Variants in RARA observed in about 807,000 individuals in gnomAD.
RARA encodes the protein PML-DDX5-RARA fusion.
Under a neutral mutation model 42.8 loss-of-function variants are expected in RARA, and 5 were observed. The observed-to-expected ratio is 0.12, with a 90% CI of 0.06 to 0.25. The LOEUF is 0.25. Among genes scored for constraint, RARA ranks in the 10% least tolerant of loss-of-function variants. RARA has a pLI of 1.00. For missense variants in RARA, 402 were observed against 628.7 expected (o/e 0.64, Z 3.86); for synonymous variants, 256 against 259.5 (o/e 0.99, Z 0.13).
At chr17:40,353,897 T>C (rs1407770249) in intron 6 of RARA, among the ~76,000 whole-genome samples, 1 of 152,206 alleles carries the variant, frequency 6.6e-6, no homozygotes, top group Admixed American at 6.6e-5. Context: ...TACCTCATCC[T>C]GGGAGCTGTA....
chr17:40,341,528 C>G, intron 2 of RARA: 1 of 1,474,438 alleles, frequency 6.8e-7, no homozygotes, highest in Non-Finnish European at 9.0e-7. Flanking sequence ...TCCGCGTCTC[C>G]GGGGGAGGTG....
rs144953623 is a variant in RARA, at chr17:40,328,307, T to A, written c.-362-2550T>A. On this transcript the variant is annotated intron_variant, in intron 1 of 8. Transcript: ENST00000254066. Reference sequence around the variant, plus strand: ...GGAGTTCAGAGCTTGGAACCTAGTGTAGCCTGAGCTTGGGGTGGAGTGGCA... The same window carrying A: ...GGAGTTCAGAGCTTGGAACCTAGTGAAGCCTGAGCTTGGGGTGGAGTGGCA... Among the ~76,000 whole-genome samples the A allele has an allele frequency of 1.0e-3, 154 of 152,230 alleles. No homozygotes were observed. The East Asian group carries it at 0.01, about 10-fold the overall frequency.
chr17:40,329,988 G>A (rs1338902871), intron 1 of RARA, among the ~76,000 whole-genome samples: 2 of 152,110 alleles, frequency 1.3e-5, no homozygotes, highest in African/African-American at 4.8e-5. Flanking sequence ...GTTCATCTCT[G>A]TCTCTGTCTC....
chr17:40,330,059 C>T (rs567872400), intron 1 of RARA, among the ~76,000 whole-genome samples: 1 of 152,174 alleles, frequency 6.6e-6, no homozygotes, highest in Non-Finnish European at 1.5e-5. Flanking sequence ...GGGTGTGGAT[C>T]TGTATTCACA....
chr17:40,350,675 C>T (rs2034413801), intron 4 of RARA: 1 of 152,216 alleles, frequency 6.6e-6, no homozygotes, highest in Admixed American at 6.5e-5. Flanking sequence ...GCTGCAGGAC[C>T]CCCTAGCCCT....
Position 40,354,581 on chromosome 17 carries a change from T to G in RARA, c.1012+75T>G. On this transcript the variant is annotated intron_variant, in intron 7 of 8. Transcript: ENST00000254066. The surrounding 1 kb of genome is among the most constrained non-coding windows in gnomAD (Gnocchi z 4.5). ...CCTGGAGTCTCTTCCAGGGAGCTCT[T>G]TCAGGCCACCTCTGTTAGGTATCTC... 1 of 1,512,722 alleles carries G rather than the reference T, an allele frequency of 6.6e-7. No homozygotes were observed. The highest frequency in any genetic ancestry group is 9.0e-7 in the Non-Finnish European group (1 of 1,110,826). The allele number at this position is 1,512,722 out of a possible 1,614,324, so 93.7% of individuals were successfully genotyped here.
chr17:40,347,036 G>C (rs1598576077), intron 2 of RARA, among the ~76,000 whole-genome samples: 1 of 152,218 alleles, frequency 6.6e-6, no homozygotes. Context: ...TCAGCCCCTG[G>C]TGTTCCCATG....
rs2143527421 is a variant in RARA, at chr17:40,354,452, G to A, written c.958G>A (p.Glu320Lys). The change falls in exon 7 of 9, where the codon GAG becomes AAG. Residue 320 changes from glutamate to lysine, a missense_variant. Around this residue, in one of 5 missense-constraint regions of RARA, gnomAD observed 104 missense variants for 160.1 expected, o/e 0.65. Transcript: ENST00000254066. This position sits in a 1 kb window ranked among gnomAD's most constrained non-coding sequence, Gnocchi z 4.5. ...CTTCGCCAACCAGCTGCTGCCCCTG[G>A]AGATGGATGATGCGGAGACGGGGCT... is the stretch of plus-strand genomic sequence containing the variant. ...FAFANQLLPL[E>K]MDDAETGLLS... The A allele has an allele frequency of 6.2e-7, 1 of 1,613,556 alleles. No homozygotes were observed. The highest frequency in any genetic ancestry group is 8.5e-7 in the Non-Finnish European group (1 of 1,179,758).
Position 40,351,136 on chromosome 17 carries a change from T to G in RARA, c.470-774T>G, listed in dbSNP as rs2034430099. 6.6e-6 allele frequency among the ~76,000 whole-genome samples: 1 copy of G among 150,804 alleles called. No individual in the cohort carries two copies. Among genetic ancestry groups the G allele is most frequent in the African/African-American group, 2.4e-5 (1 of 40,962 alleles). On this transcript the variant is annotated intron_variant, in intron 4 of 8. Coordinates refer to ENST00000254066, the MANE Select transcript of RARA (RefSeq NM_000964.4). The surrounding 1 kb of genome is among the most constrained non-coding windows in gnomAD (Gnocchi z 4.1). ...CCAAATTATCCCCCCACTCTCCCTCTCCCTCTCCCTTCTCTCCCCTGCACT... is the reference window on the plus strand; with the variant it reads ...CCAAATTATCCCCCCACTCTCCCTCGCCCTCTCCCTTCTCTCCCCTGCACT...
Position 40,354,645 on chromosome 17 carries a change from G to A in RARA, c.1012+139G>A, listed in dbSNP as rs2034556801. 1 of 1,040,852 alleles carries A rather than the reference G, an allele frequency of 9.6e-7. No individual in the cohort carries two copies. The highest frequency in any genetic ancestry group is 1.4e-6 in the Non-Finnish European group (1 of 732,476). The allele number at this position is 1,040,852 out of a possible 1,614,324, so 64.5% of individuals were successfully genotyped here. On this transcript the variant is annotated intron_variant, in intron 7 of 8. Transcript: ENST00000254066. This position sits in a 1 kb window ranked among gnomAD's most constrained non-coding sequence, Gnocchi z 4.5. ...CTGGTCTGCAACTACACAGCAAGGG[G>A]GCCATGTGGGGCCTGGACTCCTGTT...
chr17:40,322,169 G>A (rs1218562335), intron 1 of RARA, among the ~76,000 whole-genome samples: 1 of 152,018 alleles, frequency 6.6e-6, no homozygotes, highest in Non-Finnish European at 1.5e-5. Flanking sequence ...GAAGGGGAGG[G>A]GGGTGGAGGG....
chr17:40,329,350 A>C (rs1194168721), intron 1 of RARA, among the ~76,000 whole-genome samples: 1 of 149,802 alleles, frequency 6.7e-6, no homozygotes, highest in East Asian at 1.9e-4. Flanking sequence ...TCTGTTACCC[A>C]TGCTGGAGTG....
intron 2 of RARA, among the ~76,000 whole-genome samples, chr17:40,336,437 G>A (rs1295026373): frequency 6.6e-6 from 1 of 152,150 alleles, no homozygotes; most frequent in Non-Finnish European, 1.5e-5. Flanking sequence ...TGTTAGCCAG[G>A]CTGGAGTGCA....
At chr17:40,318,727 C>T (rs776528813) in intron 1 of RARA, among the ~76,000 whole-genome samples, 2 of 152,256 alleles carry the variant, frequency 1.3e-5, no homozygotes, top group Non-Finnish European at 1.5e-5. Flanking sequence ...GCAGAACCGC[C>T]GCTGGGAACT....
intron 1 of RARA, 54 bp downstream of exon 1, chr17:40,309,340 C>T (rs2033052572): frequency 6.5e-6 from 1 of 152,820 alleles, no homozygotes; most frequent in African/African-American, 2.4e-5. Flanking sequence ...ACCCCGGCCT[C>T]TGCTTCTGAT....
In RARA at chr17:40,352,903, A is replaced by G. The variant is rs546973370; in HGVS notation, c.807+396A>G. On this transcript the variant is annotated intron_variant, in intron 6 of 8. Coordinates refer to ENST00000254066, the MANE Select transcript of RARA (RefSeq NM_000964.4). The surrounding 1 kb of genome is among the most constrained non-coding windows in gnomAD (Gnocchi z 4.9). ...AGACCACCCTGGGCAACATAGTGAGACCTTATTTCTGCAAAAAACTAAAAA... is the reference window on the plus strand; with the variant it reads ...AGACCACCCTGGGCAACATAGTGAGGCCTTATTTCTGCAAAAAACTAAAAA... Among the ~76,000 whole-genome samples the G allele has an allele frequency of 2.0e-5, 3 of 152,240 alleles. No homozygotes were observed. In the South Asian group the frequency reaches 6.2e-4, roughly 32 times the overall value.
At chr17:40,317,044 AC>A (rs1445931160) in intron 1 of RARA, among the ~76,000 whole-genome samples, 1 of 152,128 alleles carries the variant, frequency 6.6e-6, no homozygotes, top group Non-Finnish European at 1.5e-5. Flanking sequence ...TCAATTCTAG[AC>A]CCGGCTCTGC....
At chr17:40,346,211 C>T (rs943205796) in intron 2 of RARA, among the ~76,000 whole-genome samples, 2 of 152,144 alleles carry the variant, frequency 1.3e-5, no homozygotes, top group African/African-American at 4.8e-5. Context: ...GCTTTTTGCC[C>T]TCTAGTCTGT....
chr17:40,351,845 G>T lies in RARA; in HGVS notation c.470-65G>T, dbSNP rs1172755071. 4 of 1,564,870 alleles carry T rather than the reference G, an allele frequency of 2.6e-6. No homozygotes were observed. The highest frequency in any genetic ancestry group is 2.2e-5 in the Admixed American group (1 of 46,348). ...TCAGCAGCTGGCAGCTCTCTGTCAG[G>T]CTGGGGGTGGACGAGGCCCTGAGCA... On this transcript the variant is annotated intron_variant, in intron 4 of 8. Coordinates refer to ENST00000254066, the MANE Select transcript of RARA (RefSeq NM_000964.4). The surrounding 1 kb of genome is among the most constrained non-coding windows in gnomAD (Gnocchi z 4.1).
Sources: allele counts gnomAD v4.1 joint callset (sites outside exome capture counted in the v4.1 genomes callset), GRCh38; gene constraint gnomAD v4.1.1; regional missense constraint gnomAD v4.1.1; non-coding constraint Gnocchi (gnomAD v3.1); transcripts MANE v1.5; gene names NCBI Gene and HGNC (gene_info 2026-07-23, HGNC 2026-07-21).